The following STARD13 variants were observed in gnomAD, a reference collection of about 807,000 sequenced individuals.
STARD13 encodes the protein stAR-related lipid transfer protein 13.
A neutral mutation model predicts 106.4 loss-of-function variants in STARD13; 62 were observed. The ratio of observed to expected loss-of-function variants is 0.58; its 90% CI spans 0.48 to 0.72. The LOEUF is 0.72. Ranked by LOEUF, STARD13 falls within the 30% of genes least tolerant of loss-of-function variation. The probability of loss-of-function intolerance (pLI) is 0.00; values close to 1 mark genes in which losing one functional copy is unlikely to be tolerated. For missense variants in STARD13, 1,387 were observed against 1,424.0 expected, an observed-to-expected ratio of 0.97 and a Z score of 0.42; for synonymous variants, 565 against 553.0, an observed-to-expected ratio of 1.02 and a Z score of -0.31.
chr13:33,375,400 G>A, the STARD13 span, among the ~76,000 whole-genome samples: 1 of 152,142 alleles, frequency 6.6e-6, no homozygotes, highest in African/African-American at 2.4e-5. Context: ...ATCAGGTTAA[G>A]TTTATGCCTG....
chr13:33,347,738 C>A (rs990742067), downstream of STARD13, among the ~76,000 whole-genome samples: 1 of 152,164 alleles, frequency 6.6e-6, no homozygotes, highest in Non-Finnish European at 1.5e-5. Flanking sequence ...ATGATTTACA[C>A]TTGATTCACT....
At chr13:33,661,037 C>T in the STARD13 span, among the ~76,000 whole-genome samples, 1 of 152,150 alleles carries the variant, frequency 6.6e-6, no homozygotes, top group East Asian at 1.9e-4. Flanking sequence ...CATACTTATA[C>T]TGAAATATTA....
chr13:33,327,119 A>G (rs1391573612), intron 1 of STARD13, among the ~76,000 whole-genome samples: 1 of 152,232 alleles, frequency 6.6e-6, no homozygotes, highest in Non-Finnish European at 1.5e-5. Context: ...AAATAGTTGT[A>G]CATTTATCCA....
At chr13:33,439,868 A>G in the STARD13 span, 4 of 374,198 alleles carry the variant, frequency 1.1e-5, no homozygotes, top group Non-Finnish European at 2.0e-5. Context: ...TGAGGCATGA[A>G]GATTGAATGA....
intron 1 of STARD13, among the ~76,000 whole-genome samples, chr13:33,321,834 G>A (rs1300466458): frequency 1.3e-5 from 2 of 152,172 alleles, no homozygotes. Context: ...CTTGCTCATA[G>A]GAGTTTTTCT....
chr13:33,185,698 C>A (rs866671572), intron 1 of STARD13, among the ~76,000 whole-genome samples: 1 of 152,186 alleles, frequency 6.6e-6, no homozygotes, highest in South Asian at 2.1e-4. Flanking sequence ...TCTTCTTCTG[C>A]TTTATGTGAC....
At chr13:33,614,045 C>G in the STARD13 span, among the ~76,000 whole-genome samples, 1 of 152,252 alleles carries the variant, frequency 6.6e-6, no homozygotes, top group Non-Finnish European at 1.5e-5. Context: ...TGGAGGGATC[C>G]TAGCTTTCAG....
chr13:33,625,725 C>T, the STARD13 span, among the ~76,000 whole-genome samples: 60 of 150,702 alleles, frequency 4.0e-4, no homozygotes, highest in African/African-American at 1.4e-3. Context: ...TTTTTTGAGA[C>T]GGAGTCTCGC....
chr13:33,344,529 A>G (rs2077998379), downstream of STARD13, among the ~76,000 whole-genome samples: 1 of 152,186 alleles, frequency 6.6e-6, no homozygotes, highest in African/African-American at 2.4e-5. Flanking sequence ...CTCATGTTTT[A>G]TTCTTGATCT....
chr13:33,485,743 G>A, the STARD13 span, among the ~76,000 whole-genome samples: 3 of 152,204 alleles, frequency 2.0e-5, no homozygotes, highest in African/African-American at 7.2e-5. Context: ...AGTACTAAAA[G>A]TCAAATTACC....
downstream of STARD13, among the ~76,000 whole-genome samples, chr13:33,346,770 C>T (rs911303843): frequency 6.6e-6 from 1 of 151,976 alleles, no homozygotes; most frequent in African/African-American, 2.4e-5. Flanking sequence ...GCTGGGACTA[C>T]AGGTGCATGC....
intron 7 of STARD13, among the ~76,000 whole-genome samples, chr13:33,124,662 A>C (rs1876879625): frequency 6.6e-6 from 1 of 152,226 alleles, no homozygotes; most frequent in South Asian, 2.1e-4. Context: ...GGAATGGTTT[A>C]TAGCTATGGA....
chr13:33,105,804 G>T, intron 13 of STARD13, 94 bp from the exon 14 acceptor site: 2 of 1,010,496 alleles, frequency 2.0e-6, no homozygotes, highest in South Asian at 2.6e-5. Flanking sequence ...GGGCCCCGAT[G>T]ACCAGTGAAC....
At chr13:33,274,888 C>G (rs1891342644) in intron 1 of STARD13, among the ~76,000 whole-genome samples, 1 of 152,146 alleles carries the variant, frequency 6.6e-6, no homozygotes, top group Non-Finnish European at 1.5e-5. Flanking sequence ...ACCCGCTTAC[C>G]CCCACCAAGA....
downstream of STARD13, among the ~76,000 whole-genome samples, chr13:33,344,484 G>A (rs1490107915): frequency 6.7e-6 from 1 of 149,182 alleles, no homozygotes; most frequent in Non-Finnish European, 1.5e-5. Flanking sequence ...TGATATTATA[G>A]AACACATTTA....
At chr13:33,579,700 T>C in the STARD13 span, among the ~76,000 whole-genome samples, 4 of 150,246 alleles carry the variant, frequency 2.7e-5, no homozygotes, top group Non-Finnish European at 4.4e-5. Context: ...ATACAAAATA[T>C]ACAAAAAAAA....
intron 1 of STARD13, among the ~76,000 whole-genome samples, chr13:33,186,518 A>T (rs771040178): frequency 6.6e-6 from 1 of 152,220 alleles, no homozygotes; most frequent in Non-Finnish European, 1.5e-5. Flanking sequence ...AGCAGCAAAG[A>T]TGATGATTCT....
At chr13:33,513,933 G>T in the STARD13 span, among the ~76,000 whole-genome samples, 3 of 152,162 alleles carry the variant, frequency 2.0e-5, no homozygotes, top group African/African-American at 7.2e-5. Flanking sequence ...AAAAGACACT[G>T]ATAATAAATA....
intron 3 of STARD13, among the ~76,000 whole-genome samples, chr13:33,145,011 A>C (rs1226370528): frequency 6.6e-6 from 1 of 152,218 alleles, no homozygotes; most frequent in African/African-American, 2.4e-5. Flanking sequence ...CTAAAGCTGA[A>C]GACTCTAAGT....
Sources: allele counts gnomAD v4.1 joint callset (sites outside exome capture counted in the v4.1 genomes callset), GRCh38; gene constraint gnomAD v4.1.1; transcripts MANE v1.5; gene names NCBI Gene and HGNC (gene_info 2026-07-23, HGNC 2026-07-21).